Variants in SEMA5A observed in about 807,000 individuals in gnomAD.
SEMA5A encodes semaphorin 5A, also known as semaphorin-5A.
A neutral mutation model predicts 135.5 loss-of-function variants in SEMA5A; 55 were observed. The ratio of observed to expected loss-of-function variants is 0.41; its 90% confidence interval spans 0.33 to 0.51. SEMA5A has a LOEUF of 0.51. Ranked by LOEUF, SEMA5A falls within the 20% of genes least tolerant of loss-of-function variation. The pLI, the probability that SEMA5A is intolerant of heterozygous loss-of-function variation, is 0.37. For synonymous variants in SEMA5A, 580 were observed against 546.5 expected (o/e 1.06, Z -0.85); for missense variants, 1,290 against 1,419.9 (o/e 0.91, Z 1.47).
chr5:9,441,576 C>T (rs1758235503), intron 1 of SEMA5A, among the ~76,000 whole-genome samples: 1 of 151,848 alleles, frequency 6.6e-6, no homozygotes, highest in Non-Finnish European at 1.5e-5. Context: ...AAAGCAATTC[C>T]ACAAAGGTAA....
At chr5:9,277,638 T>C (rs558944376) in intron 5 of SEMA5A, among the ~76,000 whole-genome samples, 1 of 152,120 alleles carries the variant, frequency 6.6e-6, no homozygotes, top group African/African-American at 2.4e-5. Context: ...TGAAGCCATA[T>C]AAAAGGATGA....
At chr5:9,099,775 C>A (rs563197485) in intron 16 of SEMA5A, among the ~76,000 whole-genome samples, 1 of 152,302 alleles carries the variant, frequency 6.6e-6, no homozygotes, top group South Asian at 2.1e-4. Flanking sequence ...CTGTGCCCAA[C>A]AAGGTGGATT....
chr5:9,385,166 G>A (rs969730684), intron 2 of SEMA5A, among the ~76,000 whole-genome samples: 1 of 152,134 alleles, frequency 6.6e-6, no homozygotes, highest in Non-Finnish European at 1.5e-5. Flanking sequence ...AGATGTAGGA[G>A]GATATCTCTA....
At chr5:9,051,178 A>AAAAT (rs1209986166) in intron 20 of SEMA5A, among the ~76,000 whole-genome samples, 1 of 152,242 alleles carries the variant, frequency 6.6e-6, no homozygotes, top group African/African-American at 2.4e-5. Flanking sequence ...AATTTTCTCT[A>AAAAT]AAATAGTATC....
intron 8 of SEMA5A, among the ~76,000 whole-genome samples, chr5:9,202,965 A>T (rs574125542): frequency 6.6e-6 from 1 of 152,280 alleles, no homozygotes; most frequent in South Asian, 2.1e-4. Context: ...AATTAGTTTT[A>T]AAATGGGGAA....
intron 13 of SEMA5A, among the ~76,000 whole-genome samples, chr5:9,129,129 A>T (rs918862073): frequency 6.6e-6 from 1 of 152,252 alleles, no homozygotes; most frequent in African/African-American, 2.4e-5. Flanking sequence ...AGGAGCTCAT[A>T]AGAAAGGCAC....
At chr5:9,337,874 C>G (rs1000496347) in intron 3 of SEMA5A, 62 bp from the exon 4 acceptor site, 7 of 1,138,698 alleles carry the variant, frequency 6.1e-6, no homozygotes, top group Non-Finnish European at 8.9e-6. Context: ...CTGGGGACCA[C>G]AGATAGTGCA....
chr5:9,453,417 T>G (rs560746351), intron 1 of SEMA5A, among the ~76,000 whole-genome samples: 1 of 152,250 alleles, frequency 6.6e-6, no homozygotes, highest in African/African-American at 2.4e-5. Flanking sequence ...CTCTTGTACT[T>G]TTTGTTGGTG....
At chr5:9,081,501 A>T (rs959494268) in intron 16 of SEMA5A, among the ~76,000 whole-genome samples, 2 of 151,946 alleles carry the variant, frequency 1.3e-5, no homozygotes, top group African/African-American at 4.8e-5. Flanking sequence ...CTGGCAAGGA[A>T]TTTTCCAAAT....
chr5:9,340,722 A>C (rs143825546), intron 3 of SEMA5A, among the ~76,000 whole-genome samples: 8 of 152,216 alleles, frequency 5.3e-5, no homozygotes, highest in Admixed American at 5.2e-4. Flanking sequence ...ACATAGATCA[A>C]AGTTGAGTAA....
At chr5:9,056,677 G>A (rs1736911252) in intron 18 of SEMA5A, among the ~76,000 whole-genome samples, 1 of 152,164 alleles carries the variant, frequency 6.6e-6, no homozygotes, top group Non-Finnish European at 1.5e-5. Context: ...AGCTGAGATG[G>A]TGCCAATGCA....
At chr5:9,248,168 A>G (rs1014910150) in intron 5 of SEMA5A, among the ~76,000 whole-genome samples, 39 of 152,174 alleles carry the variant, frequency 2.6e-4, no homozygotes, top group Non-Finnish European at 3.1e-4. Context: ...AAAAAAGTCC[A>G]AAAGCATTTC....
Position 9,054,100 on chromosome 5 carries a change from C to A in SEMA5A, c.2676G>T (p.Thr892=), listed in dbSNP as rs142342147. ...GLHTEEALCN[T]QPCPESWSEW... is the part of the protein sequence containing the mutation. ...GGTGCCGCTTACCTGGGCAGGGCTG[C>A]GTGTTGCAGAGTGCCTCTTCTGTGT... Residue 892 remains threonine (T), a synonymous_variant, in exon 19 of 23, where the codon ACG becomes ACT. Transcript: ENST00000382496. The A allele has an allele frequency of 1.9e-6, 3 of 1,610,246 alleles. No individual in the cohort carries two copies. Among genetic ancestry groups the A allele is most frequent in the Non-Finnish European group, 2.5e-6 (3 of 1,178,632 alleles).
At chr5:9,106,396 T>C (rs1036238584) in intron 16 of SEMA5A, among the ~76,000 whole-genome samples, 39 of 152,242 alleles carry the variant, frequency 2.6e-4, no homozygotes, top group Non-Finnish European at 7.3e-5. Flanking sequence ...ATAAAAATGC[T>C]ACATTATTGC....
chr5:9,404,612 G>A (rs1579486619), intron 2 of SEMA5A, among the ~76,000 whole-genome samples: 1 of 152,184 alleles, frequency 6.6e-6, no homozygotes, highest in African/African-American at 2.4e-5. Context: ...TTAAAAATGT[G>A]TATTTGCAAT....
intron 2 of SEMA5A, among the ~76,000 whole-genome samples, chr5:9,397,503 T>C (rs527450465): frequency 5.3e-5 from 8 of 152,296 alleles, no homozygotes; most frequent in Admixed American, 2.6e-4. Flanking sequence ...TACTCAATAA[T>C]GGTTAGACAT....
Position 9,154,688 on chromosome 5 carries a change from T to C in SEMA5A, c.1281A>G (p.Gly427=). 6.2e-7 allele frequency: 1 copy of C among 1,613,780 alleles called. No individual in the cohort carries two copies. The highest frequency in any genetic ancestry group is 1.3e-5 in the African/African-American group (1 of 74,996). ...GGGGTACCCGCACTTTCTTAATGGT[T>C]CCGTAATCTATGAAGGTCACAGGAT... The part of the protein sequence containing the change: ...VHIIYLATDY[G]TIKKVRVPLN... Residue 427 remains glycine (G), a synonymous_variant, in exon 12 of 23, where the codon GGA becomes GGG. Transcript: ENST00000382496.
At chr5:9,156,451 G>A (rs138405203) in intron 11 of SEMA5A, among the ~76,000 whole-genome samples, 12 of 152,304 alleles carry the variant, frequency 7.9e-5, no homozygotes, top group East Asian at 5.8e-4. Flanking sequence ...GCAGAGGGAG[G>A]TGTCAGCCTT....
chr5:9,318,451 T>C, intron 4 of SEMA5A, 34 bp from the exon 5 acceptor site: 1 of 1,558,764 alleles, frequency 6.4e-7, no homozygotes, highest in African/African-American at 1.4e-5. Flanking sequence ...GTTTTATTTT[T>C]AATAGATCAC....
Sources: allele counts gnomAD v4.1 joint callset (sites outside exome capture counted in the v4.1 genomes callset), GRCh38; gene constraint gnomAD v4.1.1; transcripts MANE v1.5; gene names NCBI Gene and HGNC (gene_info 2026-07-23, HGNC 2026-07-21).